DMD: variants seen among roughly 807,000 people sequenced by gnomAD.
DMD encodes the protein dystrophin.
Under a neutral mutation model 330.1 loss-of-function variants are expected in DMD, and 63 were observed. That is an observed-to-expected ratio of 0.19 (90% CI 0.16 to 0.24). DMD has a LOEUF of 0.24. DMD is among the 10% of genes least tolerant of loss of function. The pLI is 1.00. For synonymous variants in DMD, 1,223 were observed against 959.8 expected (o/e 1.27, Z -5.07); for missense variants, 3,344 against 2,684.1 (o/e 1.25, Z -5.43).
rs10597133 is a variant in DMD, at chrX:31,477,796, TACACAC to T, written c.8937+304_8937+309del. Among the ~76,000 whole-genome samples the T allele has an allele frequency of 0.17, 16,698 of 99,103 alleles. 1,106 individuals are homozygous for T. The highest frequency in any genetic ancestry group is 0.34 in the East Asian group (1,033 of 3,067). The allele number at this position is 99,103 out of a possible 115,157, so 86.1% of individuals were successfully genotyped here. A position where few individuals can be genotyped will look rare whatever the true frequency, so the allele number is the denominator to read the frequency against. ...CTAAGTAACACAAGCAATACACCAA[TACACAC>T]ACACACACACACACACACACACACA... On this transcript the variant is annotated intron_variant, in intron 59 of 78. Coordinates refer to ENST00000357033, the MANE Select transcript of DMD (RefSeq NM_004006.3).
At chrX:32,843,627 T>G (rs1220084016) in intron 4 of DMD, among the ~76,000 whole-genome samples, 2 of 112,252 alleles carry the variant, frequency 1.8e-5, no homozygotes, top group Admixed American at 1.9e-4. Context: ...TCCCTGCTTA[T>G]GGTTATTTTA....
intron 5 of DMD, among the ~76,000 whole-genome samples, chrX:32,817,023 G>A (rs1177345002): frequency 6.3e-5 from 7 of 111,323 alleles, no homozygotes; most frequent in African/African-American, 2.3e-4. Flanking sequence ...TTGGATAGGA[G>A]GAATACTATA....
intron 34 of DMD, among the ~76,000 whole-genome samples, chrX:32,375,120 T>G (rs771523364): frequency 9.0e-6 from 1 of 110,989 alleles, no homozygotes; most frequent in Admixed American, 9.6e-5. Flanking sequence ...TTGGTTCCAC[T>G]TTGATGAAAA....
At chrX:33,322,240 A>G (rs1253162372) in intron 1 of DMD, among the ~76,000 whole-genome samples, 2 of 111,040 alleles carry the variant, frequency 1.8e-5, no homozygotes, top group Non-Finnish European at 3.8e-5. Context: ...AAACATAATC[A>G]TCTCTAGCTT....
At chrX:32,102,904 A>T (rs1428976645) in intron 44 of DMD, among the ~76,000 whole-genome samples, 2 of 112,201 alleles carry the variant, frequency 1.8e-5, no homozygotes, top group Admixed American at 1.9e-4. Context: ...GTTCTTAATC[A>T]CATGACTTAT....
intron 1 of DMD, among the ~76,000 whole-genome samples, chrX:33,222,334 A>G (rs762076092): frequency 8.9e-6 from 1 of 112,224 alleles, no homozygotes; most frequent in African/African-American, 3.2e-5. Flanking sequence ...GCATTTGACA[A>G]ACTGATATAT....
intron 48 of DMD, among the ~76,000 whole-genome samples, chrX:31,862,034 G>A (rs1407126154): frequency 9.1e-6 from 1 of 110,080 alleles, no homozygotes; most frequent in African/African-American, 3.3e-5. Flanking sequence ...AGCACATGGG[G>A]AGAGAAACTG....
At chrX:32,676,248 C>CT (rs2061959592) in intron 9 of DMD, among the ~76,000 whole-genome samples, 1 of 111,140 alleles carries the variant, frequency 9.0e-6, no homozygotes, top group Admixed American at 9.6e-5. Context: ...CAATAGAGCC[C>CT]TTTCACTACC....
chrX:32,345,866 T>C, intron 39 of DMD, 77 bp downstream of exon 39: 2 of 1,084,890 alleles, frequency 1.8e-6, no homozygotes, highest in Non-Finnish European at 2.5e-6. Flanking sequence ...GCAGATTTTA[T>C]TAATGCACAT....
chrX:32,130,740 C>G (rs1191029020), intron 44 of DMD, among the ~76,000 whole-genome samples: 5 of 111,710 alleles, frequency 4.5e-5, no homozygotes, highest in Non-Finnish European at 9.4e-5. Flanking sequence ...GCCTCTGTCA[C>G]TATTCAGGTT....
At chrX:32,165,796 G>A (rs979527535) in intron 44 of DMD, among the ~76,000 whole-genome samples, 1 of 111,059 alleles carries the variant, frequency 9.0e-6, no homozygotes, top group African/African-American at 3.3e-5. Context: ...CAAAGGAGAG[G>A]CTATGTGGAG....
intron 1 of DMD, among the ~76,000 whole-genome samples, chrX:33,242,304 T>C (rs184816271): frequency 1.2e-4 from 13 of 111,481 alleles, no homozygotes; most frequent in African/African-American, 3.6e-4. Context: ...TGTATTATTC[T>C]TATGCCTTTG....
intron 57 of DMD, among the ~76,000 whole-genome samples, chrX:31,483,648 AT>A (rs2068558986): frequency 8.9e-6 from 1 of 112,066 alleles, no homozygotes; most frequent in Non-Finnish European, 1.9e-5. Flanking sequence ...TTATTTTCAC[AT>A]TGTTGCCTGA....
At chrX:32,727,873 CTCTGATCAT>C (rs775474712) in intron 7 of DMD, among the ~76,000 whole-genome samples, 1 of 111,379 alleles carries the variant, frequency 9.0e-6, no homozygotes, top group Non-Finnish European at 1.9e-5. Context: ...ACTCTGATCA[CTCTGATCAT>C]ACTTTTGTTT....
intron 43 of DMD, among the ~76,000 whole-genome samples, chrX:32,229,709 T>A (rs1429663337): frequency 1.2e-5 from 1 of 82,222 alleles, no homozygotes; most frequent in African/African-American, 4.4e-5. Flanking sequence ...TATATATATA[T>A]ATATATATAT....
At chrX:32,213,484 T>C (rs932108849) in intron 44 of DMD, among the ~76,000 whole-genome samples, 12 of 111,800 alleles carry the variant, frequency 1.1e-4, no homozygotes, top group African/African-American at 3.9e-4. Flanking sequence ...GTGTGCACGC[T>C]CATGTGTGTG....
At chrX:32,778,871 T>C (rs1221609679) in intron 7 of DMD, among the ~76,000 whole-genome samples, 1 of 97,104 alleles carries the variant, frequency 1.0e-5, no homozygotes, top group Non-Finnish European at 1.9e-5. Flanking sequence ...CCCTGTGTCA[T>C]GTATCATGTA....
At chrX:31,900,995 C>T (rs770209472) in intron 47 of DMD, among the ~76,000 whole-genome samples, 39 of 111,738 alleles carry the variant, frequency 3.5e-4, no homozygotes, top group African/African-American at 1.2e-3. Context: ...AAAGGTTACG[C>T]TACCCATGCT....
intron 37 of DMD, among the ~76,000 whole-genome samples, chrX:32,358,052 A>G (rs986947353): frequency 1.3e-4 from 14 of 110,207 alleles, no homozygotes; most frequent in African/African-American, 4.6e-4. Context: ...TTTACCTAGC[A>G]ATAGATCCCC....
Sources: allele counts gnomAD v4.1 joint callset (sites outside exome capture counted in the v4.1 genomes callset), GRCh38; gene constraint gnomAD v4.1.1; transcripts MANE v1.5; gene names NCBI Gene and HGNC (gene_info 2026-07-23, HGNC 2026-07-21).